Variants in MYCBP2 observed in about 807,000 individuals in gnomAD.
The protein encoded by MYCBP2 is MYC binding protein 2, also known as E3 ubiquitin-protein ligase MYCBP2.
MYCBP2 carries 120 observed loss-of-function variants against 525.3 expected under a neutral mutation model. The ratio of observed to expected loss-of-function variants is 0.23; its 90% CI spans 0.20 to 0.27. The LOEUF is 0.27. Ranked by LOEUF, MYCBP2 falls within the 10% of genes least tolerant of loss-of-function variation. MYCBP2 has a pLI of 1.00. For synonymous variants in MYCBP2, 1,894 were observed against 1,955.8 expected (o/e 0.97, Z 0.83); for missense variants, 4,149 against 5,657.1 (o/e 0.73, Z 8.55).
At chr13:77,091,937 T>C (rs1223274430) in intron 59 of MYCBP2, among the ~76,000 whole-genome samples, 1 of 152,110 alleles carries the variant, frequency 6.6e-6, no homozygotes, top group Non-Finnish European at 1.5e-5. Flanking sequence ...TTAAAAAGTG[T>C]ATCTCCTTTA....
intron 68 of MYCBP2, among the ~76,000 whole-genome samples, chr13:77,071,298 CACACACACACAA>C (rs1274636008): frequency 3.3e-5 from 5 of 151,956 alleles, no homozygotes; most frequent in African/African-American, 9.7e-5. Context: ...CACACACACA[CACACACACACAA>C]ATCTTATCTA....
At position 77,062,716 on chromosome 13, in the gene MYCBP2, G is replaced by A; in HGVS notation, c.12673-19C>T. ...GCCAGAGCTGTTGAAAGGGAAGGCT[G>A]TTACACCACTGAATTTTTAGGAAAG... is the stretch of plus-strand genomic sequence containing the variant. On this transcript the variant is annotated intron_variant, in intron 73 of 82. Coordinates refer to ENST00000544440, the MANE Select transcript of MYCBP2 (RefSeq NM_015057.5). The A allele has an allele frequency of 6.3e-7, 1 of 1,594,906 alleles. No homozygotes were observed. The highest frequency in any genetic ancestry group is 1.7e-5 in the Admixed American group (1 of 59,672).
At chr13:77,306,406 A>G (rs2079422592) in intron 1 of MYCBP2, among the ~76,000 whole-genome samples, 1 of 152,224 alleles carries the variant, frequency 6.6e-6, no homozygotes, top group South Asian at 2.1e-4. Flanking sequence ...TAACAGTTCA[A>G]CTTGATTTAG....
chr13:77,238,010 A>G (rs9574020), intron 17 of MYCBP2, among the ~76,000 whole-genome samples: 1 of 151,964 alleles, frequency 6.6e-6, no homozygotes, highest in African/African-American at 2.4e-5. Context: ...TTGGGAGGCC[A>G]AGGCAGGCGG....
At chr13:77,096,288 A>G (rs776873365) in intron 57 of MYCBP2, 24 bp downstream of exon 57, 1 of 1,610,186 alleles carries the variant, frequency 6.2e-7, no homozygotes, top group Middle Eastern at 1.7e-4. Context: ...CATTAAAAGT[A>G]TAGCTCCAAA....
intron 26 of MYCBP2, among the ~76,000 whole-genome samples, chr13:77,201,955 T>C (rs1170222622): frequency 4.6e-5 from 7 of 151,824 alleles, no homozygotes; most frequent in Non-Finnish European, 8.8e-5. Flanking sequence ...AGATCCAAAA[T>C]TGACACCCTA....
At chr13:77,145,739 A>G (rs184805686) in intron 48 of MYCBP2, among the ~76,000 whole-genome samples, 23 of 152,252 alleles carry the variant, frequency 1.5e-4, no homozygotes, top group African/African-American at 5.5e-4. Flanking sequence ...TGAAGTTAAC[A>G]GAATTACTTA....
At position 77,211,936 on chromosome 13, in the gene MYCBP2, T is replaced by C; in HGVS notation, c.3262+20A>G. 2.5e-6 allele frequency: 4 copies of C among 1,577,726 alleles called. No homozygotes were observed. The highest frequency in any genetic ancestry group is 3.5e-6 in the Non-Finnish European group (4 of 1,147,730). On this transcript the variant is annotated intron_variant, in intron 22 of 82. Coordinates refer to ENST00000544440, the MANE Select transcript of MYCBP2 (RefSeq NM_015057.5). Reference sequence around the variant, plus strand: ...CAAGACAAGAGTTTGGAAGGGGCATTTGTTTATTTCTGGTATTACCTATTA... The same window carrying C: ...CAAGACAAGAGTTTGGAAGGGGCATCTGTTTATTTCTGGTATTACCTATTA...
chr13:77,094,112 A>G (rs1172162606), intron 58 of MYCBP2, among the ~76,000 whole-genome samples: 1 of 152,094 alleles, frequency 6.6e-6, no homozygotes, highest in African/African-American at 2.4e-5. Context: ...TTGCTTATTC[A>G]TTTTATTGTA....
At chr13:77,237,230 TC>T (rs1306911911) in intron 17 of MYCBP2, among the ~76,000 whole-genome samples, 7 of 152,180 alleles carry the variant, frequency 4.6e-5, no homozygotes, top group African/African-American at 1.2e-4. Flanking sequence ...ATGTGGTAGA[TC>T]CACATTTACT....
chr13:77,163,162 A>G (rs2058140775), intron 43 of MYCBP2, among the ~76,000 whole-genome samples: 1 of 152,208 alleles, frequency 6.6e-6, no homozygotes, highest in African/African-American at 2.4e-5. Context: ...AATCACAAGC[A>G]CTGCTATATT....
At position 77,273,965 on chromosome 13, in the gene MYCBP2, CAAG is replaced by C. The variant is rs1259622380; in HGVS notation, c.749-300_749-298del. Among the ~76,000 whole-genome samples the C allele has an allele frequency of 3.5e-4, 53 of 152,164 alleles. 1 individual carries two copies. Among genetic ancestry groups the C allele is most frequent in the Non-Finnish European group, 8.8e-5 (6 of 68,022 alleles). Reference sequence around the variant, plus strand: ...CACATATTCAAGAAACTCATCCTATCAAGTAATAGACTACTTGTCATACTTATT... The same window carrying C: ...CACATATTCAAGAAACTCATCCTATCTAATAGACTACTTGTCATACTTATT... On this transcript the variant is annotated intron_variant, in intron 4 of 82. Transcript: ENST00000544440.
At chr13:77,048,352 T>C (rs975784458) in intron 82 of MYCBP2, among the ~76,000 whole-genome samples, 1 of 152,218 alleles carries the variant, frequency 6.6e-6, no homozygotes, top group African/African-American at 2.4e-5. Context: ...CCACTGTTTA[T>C]AAGCTACCCA....
intron 54 of MYCBP2, among the ~76,000 whole-genome samples, chr13:77,121,823 TA>T (rs1335475585): frequency 1.3e-5 from 2 of 152,126 alleles, no homozygotes; most frequent in Non-Finnish European, 1.5e-5. Flanking sequence ...GCAACAAATT[TA>T]TACAAGAGTA....
chr13:77,306,563 T>C (rs1050271193), intron 1 of MYCBP2, among the ~76,000 whole-genome samples: 3 of 152,072 alleles, frequency 2.0e-5, no homozygotes, highest in Non-Finnish European at 4.4e-5. Context: ...TAGGGGAATA[T>C]GGAAGGGAGC....
At chr13:77,201,472 C>T (rs891196277) in intron 26 of MYCBP2, among the ~76,000 whole-genome samples, 2 of 152,126 alleles carry the variant, frequency 1.3e-5, no homozygotes, top group Admixed American at 6.5e-5. Flanking sequence ...CTGTCAACAT[C>T]AGACAGATCA....
At position 77,057,058 on chromosome 13, in the gene MYCBP2, A is replaced by G. The variant is rs764490161; in HGVS notation, c.13365T>C (p.Cys4455=). Residue 4455 remains cysteine (C), a synonymous_variant, in exon 79 of 83, where the codon TGT becomes TGC. Transcript: ENST00000544440. ...DCSHIFHLQC[C]RRVLENRWLG... ...GCCATCGATTTTCTAATACTCGCCGACAGCACTGTAAGTGGAATATGTGAC... is the reference window on the plus strand; with the variant it reads ...GCCATCGATTTTCTAATACTCGCCGGCAGCACTGTAAGTGGAATATGTGAC... The G allele has an allele frequency of 3.1e-6, 5 of 1,613,924 alleles. No homozygotes were observed. The South Asian group carries it at 5.5e-5, about 18-fold the overall frequency.
At chr13:77,225,842 A>C (rs1480918624) in intron 18 of MYCBP2, among the ~76,000 whole-genome samples, 1 of 152,204 alleles carries the variant, frequency 6.6e-6, no homozygotes, top group African/African-American at 2.4e-5. Flanking sequence ...AAGTTATAGA[A>C]ATAACAAAAT....
intron 62 of MYCBP2, among the ~76,000 whole-genome samples, chr13:77,085,217 GTTAC>G (rs1013320479): frequency 6.6e-6 from 1 of 151,870 alleles, no homozygotes; most frequent in Non-Finnish European, 1.5e-5. Context: ...ATTTGGAAGC[GTTAC>G]TTAATTTCCC....
Sources: allele counts gnomAD v4.1 joint callset (sites outside exome capture counted in the v4.1 genomes callset), GRCh38; gene constraint gnomAD v4.1.1; transcripts MANE v1.5; gene names NCBI Gene and HGNC (gene_info 2026-07-23, HGNC 2026-07-21).